LRRC40: variants seen among roughly 807,000 people sequenced by gnomAD.
The protein encoded by LRRC40 is leucine rich repeat containing 40, also known as leucine-rich repeat-containing protein 40.
In LRRC40, 76 loss-of-function variants were observed where a neutral mutation model predicts 72.8. That is an observed-to-expected ratio of 1.04 (90% CI 0.87 to 1.26). LRRC40 has a LOEUF of 1.26. Among genes scored for constraint, LRRC40 ranks in the 50% most tolerant of loss-of-function variants. LRRC40 has a pLI of 0.00. For synonymous variants in LRRC40, 243 were observed against 254.2 expected (o/e 0.96, Z 0.42); for missense variants, 684 against 698.9 (o/e 0.98, Z 0.24).
intron 1 of LRRC40, among the ~76,000 whole-genome samples, chr1:70,196,117 A>C (rs758330578): frequency 1.3e-5 from 2 of 152,200 alleles, no homozygotes; most frequent in Non-Finnish European, 2.9e-5. Context: ...TCTAAGAAAA[A>C]AAAAAAAGAC....
Position 70,148,524 on chromosome 1 carries a change from G to C in LRRC40, c.1666C>G (p.Gln556Glu), listed in dbSNP as rs1468780543. The C allele has an allele frequency of 2.5e-6, 4 of 1,613,270 alleles. No homozygotes were observed. Among genetic ancestry groups the C allele is most frequent in the South Asian group, 1.1e-5 (1 of 91,026 alleles). Residue 556 changes from glutamine (Q) to glutamate (E), a missense_variant, in exon 14 of 15, where the codon CAA becomes GAA. By Grantham distance (29) the Gln-to-Glu change is conservative (BLOSUM62 2). Coordinates refer to ENST00000370952, the MANE Select transcript of LRRC40 (RefSeq NM_017768.5). ...TLDLQNNDLL[Q>E]IPPELGNCVN... is the part of the protein sequence containing the mutation. ...CAATTACCGAGCTCTGGTGGAATTT[G>C]TAAGAGGTCATTATTTTGAAGGTCC...
intron 1 of LRRC40, 25 bp from the exon 2 acceptor site, chr1:70,189,298 G>C: frequency 2.5e-4 from 193 of 761,834 alleles, no homozygotes; most frequent in Non-Finnish European, 2.8e-4. Context: ...ACCACACCAG[G>C]AAAAAAAAAA....
intron 1 of LRRC40, among the ~76,000 whole-genome samples, chr1:70,203,321 G>A (rs554939100): frequency 2.7e-4 from 41 of 152,302 alleles, no homozygotes; most frequent in African/African-American, 9.1e-4. Context: ...GTCATTAAAC[G>A]TTTTGAGTGA....
intron 1 of LRRC40, among the ~76,000 whole-genome samples, chr1:70,195,880 C>A (rs185949015): frequency 6.6e-6 from 1 of 152,164 alleles, no homozygotes; most frequent in Non-Finnish European, 1.5e-5. Flanking sequence ...AAGTGATCCA[C>A]CTGCCTCGGC....
At chr1:70,186,308 C>T (rs1668357882) in intron 3 of LRRC40, among the ~76,000 whole-genome samples, 1 of 152,140 alleles carries the variant, frequency 6.6e-6, no homozygotes, top group African/African-American at 2.4e-5. Flanking sequence ...TTACTGCTTC[C>T]TCTCTTCCTC....
intron 7 of LRRC40, 142 bp downstream of exon 7, chr1:70,175,668 C>G: frequency 3.6e-6 from 2 of 562,866 alleles, no homozygotes; most frequent in Non-Finnish European, 5.9e-6. Flanking sequence ...TAATCTTTAT[C>G]TGTACATAAC....
At chr1:70,175,495 C>T (rs1158403970) in intron 7 of LRRC40, among the ~76,000 whole-genome samples, 5 of 152,094 alleles carry the variant, frequency 3.3e-5, no homozygotes, top group Non-Finnish European at 5.9e-5. Context: ...AAAGTAAATT[C>T]ATTCCAGCGT....
chr1:70,159,476 C>T, intron 9 of LRRC40, 38 bp from the exon 10 acceptor site: 1 of 856,114 alleles, frequency 1.2e-6, no homozygotes, highest in Non-Finnish European at 1.9e-6. Context: ...AATATTTATA[C>T]TACAAAGTCA....
intron 11 of LRRC40, among the ~76,000 whole-genome samples, chr1:70,154,588 C>T (rs1298101629): frequency 1.3e-5 from 2 of 152,040 alleles, no homozygotes; most frequent in African/African-American, 2.4e-5. Context: ...TTAAATTTGT[C>T]GTCTTTTAAG....
rs557203570 is a variant in LRRC40, at chr1:70,157,285, A to G, written c.1221-1489T>C. On this transcript the variant is annotated intron_variant, in intron 10 of 14. Coordinates refer to ENST00000370952, the MANE Select transcript of LRRC40 (RefSeq NM_017768.5). Reference sequence around the variant, plus strand: ...TCTTCAATCACAAATGCTCAAGTTCATGGGGAACTGACTCATGCTAGTCAG... The same window carrying G: ...TCTTCAATCACAAATGCTCAAGTTCGTGGGGAACTGACTCATGCTAGTCAG... Among the ~76,000 whole-genome samples, 8 of 152,286 alleles carry G rather than the reference A, an allele frequency of 5.3e-5. No individual in the cohort carries two copies. The South Asian group carries it at 1.5e-3, about 28-fold the overall frequency.
chr1:70,189,295 CAGG>C, intron 1 of LRRC40, 22 bp from the exon 2 acceptor site: 1 of 1,201,508 alleles, frequency 8.3e-7, no homozygotes, highest in Non-Finnish European at 1.1e-6. Context: ...AGCACCACAC[CAGG>C]AAAAAAAAAA....
chr1:70,170,785 C>T (rs1667984585), intron 9 of LRRC40, among the ~76,000 whole-genome samples: 1 of 151,952 alleles, frequency 6.6e-6, no homozygotes, highest in Admixed American at 6.5e-5. Context: ...GATAATATTC[C>T]CCAAACTGAT....
chr1:70,194,912 A>G (rs1668576517), intron 1 of LRRC40, among the ~76,000 whole-genome samples: 2 of 152,140 alleles, frequency 1.3e-5, no homozygotes, highest in Admixed American at 1.3e-4. Context: ...AATTCCATAC[A>G]ATAAAATATT....
chr1:70,181,625 G>T (rs1193606001), intron 4 of LRRC40, among the ~76,000 whole-genome samples: 1 of 151,694 alleles, frequency 6.6e-6, no homozygotes, highest in African/African-American at 2.4e-5. Flanking sequence ...AAACATCTTT[G>T]CAAGAAAGAA....
intron 11 of LRRC40, among the ~76,000 whole-genome samples, chr1:70,153,495 CTGATAAAACT>C (rs1304755780): frequency 6.6e-6 from 1 of 151,916 alleles, no homozygotes; most frequent in East Asian, 1.9e-4. Context: ...CAATGTGTAA[CTGATAAAACT>C]TGATAAAACT....
intron 9 of LRRC40, among the ~76,000 whole-genome samples, chr1:70,170,120 T>C (rs779890720): frequency 1.3e-5 from 2 of 152,126 alleles, no homozygotes; most frequent in African/African-American, 2.4e-5. Context: ...TCAATTAAGG[T>C]AATACAGCAT....
At chr1:70,171,498 A>T (rs1055030131) in intron 9 of LRRC40, among the ~76,000 whole-genome samples, 3 of 152,120 alleles carry the variant, frequency 2.0e-5, no homozygotes, top group African/African-American at 7.2e-5. Context: ...TCAATGATTT[A>T]AAAAAACAAT....
At chr1:70,197,209 T>G (rs1668630924) in intron 1 of LRRC40, among the ~76,000 whole-genome samples, 1 of 147,210 alleles carries the variant, frequency 6.8e-6, no homozygotes, top group Non-Finnish European at 1.5e-5. Flanking sequence ...GAGTACAGGC[T>G]TCCACAATGG....
chr1:70,186,048 T>C (rs1165592686), intron 3 of LRRC40, among the ~76,000 whole-genome samples: 1 of 152,178 alleles, frequency 6.6e-6, no homozygotes, highest in Non-Finnish European at 1.5e-5. Context: ...TCAAATGATG[T>C]CTTCTAAAAC....
Sources: gnomAD v4.1 joint callset for allele counts (sites outside exome capture counted in the v4.1 genomes callset) on GRCh38, gnomAD v4.1.1 for gene constraint, MANE v1.5 for transcripts, NCBI Gene and HGNC (gene_info 2026-07-23, HGNC 2026-07-21) for gene names.